Variants in SYTL4 observed in about 807,000 individuals in gnomAD.
The protein encoded by SYTL4 is synaptotagmin-like protein 4.
In SYTL4, 16 loss-of-function variants were observed where a neutral mutation model predicts 52.7. That is an observed-to-expected ratio of 0.30 (90% CI 0.21 to 0.46). SYTL4 has a LOEUF of 0.46. SYTL4 is among the 20% of genes least tolerant of loss of function. SYTL4 has a pLI of 1.00. For synonymous variants in SYTL4, 160 were observed against 186.6 expected (o/e 0.86, Z 1.16); for missense variants, 423 against 519.9 (o/e 0.81, Z 1.81).
intron 2 of SYTL4, among the ~76,000 whole-genome samples, chrX:100,709,887 CTATTGT>C (rs1457556256): frequency 9.0e-6 from 1 of 111,657 alleles, no homozygotes; most frequent in African/African-American, 3.3e-5. Flanking sequence ...AAGTTTCAGG[CTATTGT>C]TATTGTTCTT....
chrX:100,692,068 T>C lies in SYTL4; in HGVS notation c.540-859A>G, dbSNP rs774761043. ...TTCCCTCTTTTATCTGCCTAAGATA[T>C]TCTTTTCACAATGGCCACTTTTCTT... On this transcript the variant is annotated intron_variant, in intron 8 of 19. Coordinates refer to ENST00000372989, the MANE Select transcript of SYTL4 (RefSeq NM_001370165.1). Among the ~76,000 whole-genome samples the C allele has an allele frequency of 2.7e-5, 3 of 111,445 alleles. No homozygotes were observed. The South Asian group carries it at 1.1e-3, about 43-fold the overall frequency.
At chrX:100,716,391 G>T (rs760656789) in intron 2 of SYTL4, among the ~76,000 whole-genome samples, 1 of 95,430 alleles carries the variant, frequency 1.0e-5, no homozygotes, top group Non-Finnish European at 2.1e-5. Flanking sequence ...CAGAGGTTGC[G>T]GTGAGCTGAG....
At position 100,690,574 on chromosome X, in the gene SYTL4, G is replaced by T; in HGVS notation, c.706C>A (p.Gln236Lys). The T allele has an allele frequency of 1.7e-6, 2 of 1,205,622 alleles. No homozygotes were observed. The highest frequency in any genetic ancestry group is 3.5e-5 in the South Asian group (2 of 56,557). Residue 236 changes from glutamine (Q) to lysine (K), a missense_variant, in exon 10 of 20, where the codon CAA (glutamine) becomes AAA (lysine). Physicochemically the swap from Gln to Lys is moderately conservative, Grantham distance 53 (BLOSUM62 1). Coordinates refer to ENST00000372989, the MANE Select transcript of SYTL4 (RefSeq NM_001370165.1). ...AACCTGAAGCTTACCTTTTCTACTTGAGATTTGGGAGCAGACATCTTCTTC... is the reference window on the plus strand; with the variant it reads ...AACCTGAAGCTTACCTTTTCTACTTTAGATTTGGGAGCAGACATCTTCTTC... Reference protein sequence around the residue: ...EWKKMSAPKSQVEKETQPGGQ... With the variant: ...EWKKMSAPKSKVEKETQPGGQ...
chrX:100,724,052 C>T (rs1317990175), intron 2 of SYTL4, among the ~76,000 whole-genome samples: 11 of 99,678 alleles, frequency 1.1e-4, no homozygotes, highest in Non-Finnish European at 1.4e-4. Context: ...GCCGCCCCGT[C>T]CGGGAGGTGA....
In SYTL4 at chrX:100,678,440, G is replaced by A; in HGVS notation, c.1818C>T (p.Pro606=). The change falls in exon 19 of 20, where the codon CCC becomes CCT. Residue 606 remains proline, a synonymous_variant. Coordinates refer to ENST00000372989, the MANE Select transcript of SYTL4 (RefSeq NM_001370165.1). ...CTCCCAGGAAGTCATTGCTGGCCAG[G>A]GGCTCCCGGTCCCACACAGTCAGTT... The part of the protein sequence containing the change: ...CLELTVWDRE[P]LASNDFLGGV... The A allele has an allele frequency of 8.3e-7, 1 of 1,211,226 alleles. No homozygotes were observed. The highest frequency in any genetic ancestry group is 2.3e-4 in the Middle Eastern group (1 of 4,333).
intron 16 of SYTL4, among the ~76,000 whole-genome samples, chrX:100,683,042 G>A (rs1027203919): frequency 1.8e-5 from 2 of 109,848 alleles, no homozygotes; most frequent in Non-Finnish European, 3.8e-5. Context: ...TGCTTCACTC[G>A]ATTGGCTCTC....
At chrX:100,689,029 A>G (rs182957696) in intron 12 of SYTL4, among the ~76,000 whole-genome samples, 2 of 110,733 alleles carry the variant, frequency 1.8e-5, no homozygotes, top group Non-Finnish European at 3.8e-5. Flanking sequence ...ATTTTAATCA[A>G]AAGAAGTATT....
chrX:100,724,050 G>C lies in SYTL4; in HGVS notation c.-240+7368C>G, dbSNP rs4828049. On this transcript the variant is annotated intron_variant, in intron 2 of 19. Coordinates refer to ENST00000372989, the MANE Select transcript of SYTL4 (RefSeq NM_001370165.1). Reference sequence around the variant, plus strand: ...AGCCCCCCGCCCAGCCAGCCGCCCCGTCCGGGAGGTGAGGGGCGCCTCTGC... The same window carrying C: ...AGCCCCCCGCCCAGCCAGCCGCCCCCTCCGGGAGGTGAGGGGCGCCTCTGC... 4.9e-5 allele frequency among the ~76,000 whole-genome samples: 4 copies of C among 80,934 alleles called. No homozygotes were observed. The South Asian group carries it at 2.6e-3, about 54-fold the overall frequency. 70.3% of individuals were successfully genotyped at this position (80,934 alleles called of 115,157 possible). A position where few individuals can be genotyped will look rare whatever the true frequency, so the allele number is the denominator to read the frequency against.
rs1055483807 is a variant in SYTL4, at chrX:100,691,361, A to C, written c.540-152T>G. ...AAACATATAATAAATTAATTAATTA[A>C]GAAATAAGGTCTCGCAATGTTGCCC... is the stretch of plus-strand genomic sequence containing the variant. On this transcript the variant is annotated intron_variant, in intron 8 of 19. Transcript: ENST00000372989. 9.9e-6 allele frequency: 4 copies of C among 405,863 alleles called. No homozygotes were observed. In the African/African-American group the frequency reaches 1.0e-4, roughly 10 times the overall value. 33.4% of individuals were successfully genotyped at this position (405,863 alleles called of 1,213,427 possible).
intron 2 of SYTL4, among the ~76,000 whole-genome samples, chrX:100,730,364 C>T (rs1375716833): frequency 9.0e-6 from 1 of 111,105 alleles, no homozygotes; most frequent in African/African-American, 3.3e-5. Context: ...TTTTTAATCA[C>T]TTAGTCCTCA....
At chrX:100,730,885 G>A (rs2084628575) in intron 2 of SYTL4, among the ~76,000 whole-genome samples, 1 of 97,163 alleles carries the variant, frequency 1.0e-5, no homozygotes, top group Non-Finnish European at 2.0e-5. Context: ...AAAGTCTTAA[G>A]TCATTAATAC....
At chrX:100,723,966 G>T (rs766174963) in intron 2 of SYTL4, among the ~76,000 whole-genome samples, 1,912 of 98,485 alleles carry the variant, frequency 0.019, 43 homozygotes, top group East Asian at 0.082. Flanking sequence ...GGAGGGAGGT[G>T]GGGGGGTCAG....
chrX:100,711,304 G>A (rs1319057081), intron 2 of SYTL4, among the ~76,000 whole-genome samples: 2 of 111,355 alleles, frequency 1.8e-5, no homozygotes, highest in Non-Finnish European at 3.8e-5. Flanking sequence ...AAAACTAACA[G>A]GCATGCAAAA....
intron 16 of SYTL4, among the ~76,000 whole-genome samples, chrX:100,683,935 G>A (rs530753603): frequency 9.0e-6 from 1 of 111,640 alleles, no homozygotes; most frequent in African/African-American, 3.3e-5. Context: ...ATTGGCAGTA[G>A]TTCATGATGG....
Position 100,675,288 on chromosome X carries a change from T to G in SYTL4, c.*740A>C, listed in dbSNP as rs747391721. The stretch of plus-strand genomic sequence containing the variant: ...AGCTAGAAGCTCTCACTGGGCATCC[T>G]CGTGATTTAGTCAAAATACATTATC... On this transcript the variant is annotated 3_prime_UTR_variant, in exon 20 of 20. Transcript: ENST00000372989. 1 of 112,638 alleles carries G rather than the reference T, an allele frequency of 8.9e-6. No individual in the cohort carries two copies. Among genetic ancestry groups the G allele is most frequent in the South Asian group, 3.8e-4 (1 of 2,663 alleles). 9.3% of individuals were successfully genotyped at this position (112,638 alleles called of 1,213,427 possible).
intron 2 of SYTL4, among the ~76,000 whole-genome samples, chrX:100,723,514 G>A (rs965741412): frequency 1.1e-4 from 12 of 112,034 alleles, no homozygotes; most frequent in Middle Eastern, 4.6e-3. Context: ...CCAAAGTGCC[G>A]AGATTGCAGC....
At position 100,675,148 on chromosome X, in the gene SYTL4, C is replaced by G. The variant is rs1420086941; in HGVS notation, c.*880G>C. 2 of 112,370 alleles carry G rather than the reference C, an allele frequency of 1.8e-5. No individual in the cohort carries two copies. The highest frequency in any genetic ancestry group is 3.8e-5 in the Non-Finnish European group (2 of 53,261). 9.3% of individuals were successfully genotyped at this position (112,370 alleles called of 1,213,427 possible). On this transcript the variant is annotated 3_prime_UTR_variant, in exon 20 of 20. Coordinates refer to ENST00000372989, the MANE Select transcript of SYTL4 (RefSeq NM_001370165.1). ...ATGAGGATGAATATATCTCATCTTTCATTCGAGAAATGAGGAGCTCTCTCT... is the reference window on the plus strand; with the variant it reads ...ATGAGGATGAATATATCTCATCTTTGATTCGAGAAATGAGGAGCTCTCTCT...
chrX:100,693,537 C>T (rs1017549436), intron 8 of SYTL4, among the ~76,000 whole-genome samples: 1 of 112,140 alleles, frequency 8.9e-6, no homozygotes, highest in Non-Finnish European at 1.9e-5. Flanking sequence ...TCCAAACCAC[C>T]ATCATGTAGC....
intron 3 of SYTL4, among the ~76,000 whole-genome samples, chrX:100,703,432 G>T (rs2083896305): frequency 8.9e-6 from 1 of 111,976 alleles, no homozygotes; most frequent in Non-Finnish European, 1.9e-5. Flanking sequence ...CATCTCTGAT[G>T]TTGCTTTTTG....
Sources: allele counts gnomAD v4.1 joint callset (sites outside exome capture counted in the v4.1 genomes callset), GRCh38; gene constraint gnomAD v4.1.1; transcripts MANE v1.5; gene names NCBI Gene and HGNC (gene_info 2026-07-23, HGNC 2026-07-21).